The following RGS7 variants were observed in gnomAD, a reference collection of about 807,000 sequenced individuals.
The protein encoded by RGS7 is regulator of G protein signaling 7, also known as regulator of G-protein signaling 7.
A neutral mutation model predicts 81.1 loss-of-function variants in RGS7; 27 were observed. The observed-to-expected ratio is 0.33, with a 90% CI of 0.25 to 0.46. RGS7 has a LOEUF of 0.46. RGS7 is among the 20% of genes least tolerant of loss of function. The probability of loss-of-function intolerance (pLI) is 1.00; values close to 1 mark genes in which losing one functional copy is unlikely to be tolerated. For missense variants in RGS7, 396 were observed against 607.4 expected (o/e 0.65, Z 3.66); for synonymous variants, 208 against 207.7 (o/e 1.00, Z -0.01).
At chr1:240,972,575 T>G (rs575653716) in intron 4 of RGS7, among the ~76,000 whole-genome samples, 2 of 129,466 alleles carry the variant, frequency 1.5e-5, no homozygotes, top group East Asian at 2.6e-4. Context: ...AGGGATAGCA[T>G]TGGGAGATAT....
chr1:241,241,310 G>C (rs77619748), intron 2 of RGS7, among the ~76,000 whole-genome samples: 2,478 of 151,870 alleles, frequency 0.016, 29 homozygotes, highest in Middle Eastern at 0.024. Context: ...TATTAGGTTG[G>C]TGCAAATGTA....
chr1:240,876,639 G>A (rs566359890), intron 6 of RGS7, among the ~76,000 whole-genome samples: 5 of 152,284 alleles, frequency 3.3e-5, no homozygotes, highest in South Asian at 2.1e-4. Context: ...TGGAAAGGAC[G>A]TGAGAGTGAG....
At chr1:240,865,423 G>A (rs1663063552) in intron 9 of RGS7, among the ~76,000 whole-genome samples, 1 of 152,164 alleles carries the variant, frequency 6.6e-6, no homozygotes, top group African/African-American at 2.4e-5. Context: ...GATACTCTCT[G>A]GTATTTTCCT....
chr1:240,812,899 C>A (rs1057249254), intron 13 of RGS7, among the ~76,000 whole-genome samples: 1 of 152,186 alleles, frequency 6.6e-6, no homozygotes, highest in African/African-American at 2.4e-5. Flanking sequence ...CCAGCTTTCT[C>A]ATCTATAAAA....
intron 2 of RGS7, among the ~76,000 whole-genome samples, chr1:241,295,463 G>GAA (rs147054088): frequency 8.1e-5 from 12 of 148,220 alleles, no homozygotes; most frequent in South Asian, 6.4e-4. Context: ...AAAAAAAGAA[G>GAA]AAAAAAAAAA....
intron 2 of RGS7, among the ~76,000 whole-genome samples, chr1:241,149,949 G>A (rs2068629797): frequency 6.6e-6 from 1 of 151,930 alleles, no homozygotes; most frequent in Non-Finnish European, 1.5e-5. Context: ...CTAATTTTTT[G>A]TATTAGTAGA....
intron 2 of RGS7, among the ~76,000 whole-genome samples, chr1:241,143,271 A>G (rs2068063233): frequency 6.6e-6 from 1 of 152,182 alleles, no homozygotes; most frequent in South Asian, 2.1e-4. Flanking sequence ...ATGTTTGGGT[A>G]TCTTTTCAGC....
chr1:240,810,608 G>A (rs1007508882), intron 14 of RGS7, among the ~76,000 whole-genome samples: 2 of 151,864 alleles, frequency 1.3e-5, no homozygotes, highest in African/African-American at 4.8e-5. Flanking sequence ...CACCATGCCC[G>A]GTTAATTTTA....
intron 2 of RGS7, among the ~76,000 whole-genome samples, chr1:241,327,393 T>C (rs1461333795): frequency 6.6e-6 from 1 of 152,164 alleles, no homozygotes; most frequent in African/African-American, 2.4e-5. Context: ...ATGAACTAAA[T>C]AGCCTAAAGA....
intron 2 of RGS7, among the ~76,000 whole-genome samples, chr1:241,338,185 G>A (rs72760595): frequency 0.058 from 8,776 of 152,196 alleles, 365 homozygotes; most frequent in Admixed American, 0.08. Flanking sequence ...TCCAACTCAG[G>A]AGGAACTCAT....
chr1:241,217,237 G>A (rs1318108867), intron 2 of RGS7, among the ~76,000 whole-genome samples: 1 of 152,154 alleles, frequency 6.6e-6, no homozygotes, highest in Non-Finnish European at 1.5e-5. Context: ...GATATAGTGA[G>A]CAGGCCACCT....
chr1:241,029,706 G>A (rs2059970303), intron 3 of RGS7, among the ~76,000 whole-genome samples: 1 of 152,120 alleles, frequency 6.6e-6, no homozygotes, highest in South Asian at 2.1e-4. Flanking sequence ...CCGCCTAAAG[G>A]AGATAACATA....
Position 241,356,916 on chromosome 1 carries a change from C to G in RGS7, c.-68G>C, listed in dbSNP as rs2083620496. ...CTATTTACCTCCTCCGCCAAGGTCA[C>G]GGCCCCGCGGCGTCTCCCCTCCCGG... On this transcript the variant is annotated 5_prime_UTR_variant, in exon 1 of 19. Transcript: ENST00000440928. 2.0e-5 allele frequency: 3 copies of G among 152,204 alleles called. No homozygotes were observed. Among genetic ancestry groups the G allele is most frequent in the Admixed American group, 1.3e-4 (2 of 15,272 alleles). The allele number at this position is 152,204 out of a possible 1,614,324, so 9.4% of individuals were successfully genotyped here. A position where few individuals can be genotyped will look rare whatever the true frequency, so the allele number is the denominator to read the frequency against.
At chr1:241,350,636 G>A (rs750497650) in intron 2 of RGS7, among the ~76,000 whole-genome samples, 13 of 151,198 alleles carry the variant, frequency 8.6e-5, no homozygotes, top group Non-Finnish European at 1.3e-4. Flanking sequence ...AACTGGGCAC[G>A]GTGGTGCATA....
intron 3 of RGS7, among the ~76,000 whole-genome samples, chr1:241,089,412 G>C (rs932522016): frequency 1.3e-5 from 2 of 151,774 alleles, no homozygotes; most frequent in Non-Finnish European, 2.9e-5. Context: ...TGCATGAAGG[G>C]CTCTCCACCT....
At chr1:241,340,343 G>T (rs1558336794) in intron 2 of RGS7, among the ~76,000 whole-genome samples, 1 of 152,150 alleles carries the variant, frequency 6.6e-6, no homozygotes, top group East Asian at 1.9e-4. Flanking sequence ...TAGAGGGAAT[G>T]CTGTATAGTC....
intron 2 of RGS7, among the ~76,000 whole-genome samples, chr1:241,193,172 A>G (rs1283941452): frequency 6.6e-6 from 1 of 152,226 alleles, no homozygotes; most frequent in African/African-American, 2.4e-5. Context: ...CTTACAACCT[A>G]TAAGATCAGA....
intron 3 of RGS7, among the ~76,000 whole-genome samples, chr1:240,983,693 C>T (rs1033280273): frequency 2.4e-4 from 37 of 152,200 alleles, no homozygotes; most frequent in Non-Finnish European, 4.4e-4. Flanking sequence ...CCCTTCCCCT[C>T]GTCCACTGAG....
chr1:240,801,401 G>A (rs932965185), intron 17 of RGS7, 54 bp downstream of exon 17: 1 of 1,231,782 alleles, frequency 8.1e-7, no homozygotes, highest in African/African-American at 1.5e-5. Flanking sequence ...TAGGGAAATT[G>A]GAAAAATTTC....
Sources: gnomAD v4.1 joint callset for allele counts (sites outside exome capture counted in the v4.1 genomes callset) on GRCh38, gnomAD v4.1.1 for gene constraint, MANE v1.5 for transcripts, NCBI Gene and HGNC (gene_info 2026-07-23, HGNC 2026-07-21) for gene names.